The following ADGRA2 variants were observed in gnomAD, a reference collection of about 807,000 sequenced individuals.
ADGRA2 encodes the protein adhesion G protein-coupled receptor A2, also known as G-protein coupled receptor 124.
Under a neutral mutation model 98.7 loss-of-function variants are expected in ADGRA2, and 61 were observed. That is an observed-to-expected ratio of 0.62 (90% CI 0.50 to 0.76). The LOEUF is 0.76. ADGRA2 is among the 30% of genes least tolerant of loss of function. The pLI is 0.00. For missense variants in ADGRA2, 1,712 were observed against 1,860.0 expected (o/e 0.92, Z 1.46); for synonymous variants, 858 against 831.5 (o/e 1.03, Z -0.55).
intron 2 of ADGRA2, among the ~76,000 whole-genome samples, chr8:37,815,461 GC>G (rs1216813460): frequency 1.3e-5 from 2 of 152,228 alleles, no homozygotes; most frequent in African/African-American, 4.8e-5. Flanking sequence ...CTGGTTCAGA[GC>G]CGCCTGGGCA....
At chr8:37,808,392 G>C (rs1388429701) in intron 1 of ADGRA2, among the ~76,000 whole-genome samples, 1 of 152,222 alleles carries the variant, frequency 6.6e-6, no homozygotes, top group Non-Finnish European at 1.5e-5. Flanking sequence ...GGAGGCGTCT[G>C]TCTTGTGGGG....
At chr8:37,813,958 C>T (rs1804912474) in intron 1 of ADGRA2, among the ~76,000 whole-genome samples, 1 of 152,260 alleles carries the variant, frequency 6.6e-6, no homozygotes, top group Non-Finnish European at 1.5e-5. Context: ...GGCCCAGGGC[C>T]TGCACCTCTG....
Position 37,841,312 on chromosome 8 carries a change from C to A in ADGRA2, c.2974C>A (p.Leu992Ile). 1 of 1,608,094 alleles carries A rather than the reference C, an allele frequency of 6.2e-7. No homozygotes were observed. The change falls in exon 19 of 19, where the codon CTT (leucine) becomes ATT (isoleucine). Residue 992 changes from leucine (L) to isoleucine (I), a missense_variant. Coordinates refer to ENST00000412232, the MANE Select transcript of ADGRA2 (RefSeq NM_032777.10). The surrounding 1 kb of genome is among the most constrained non-coding windows in gnomAD (Gnocchi z 5.0). ...CCCCCTCCTGAGTGACTCAGGTTCC[C>A]TTCTTGCTACTGGGAGCGCGCGAGT... is the stretch of plus-strand genomic sequence containing the variant. Reference protein sequence around the residue: ...SGPLLSDSGSLLATGSARVGT... With the variant: ...SGPLLSDSGSILATGSARVGT...
At chr8:37,813,428 TA>T (rs1334670860) in intron 1 of ADGRA2, among the ~76,000 whole-genome samples, 1 of 152,140 alleles carries the variant, frequency 6.6e-6, no homozygotes, top group Non-Finnish European at 1.5e-5. Flanking sequence ...AATAAAATAA[TA>T]ACGTGAGTTC....
chr8:37,830,029 C>A lies in ADGRA2; in HGVS notation c.718+15C>A. The A allele has an allele frequency of 6.7e-7, 1 of 1,501,330 alleles. No homozygotes were observed. The highest frequency in any genetic ancestry group is 2.1e-5 in the Admixed American group (1 of 48,322). 93.0% of individuals were successfully genotyped at this position (1,501,330 alleles called of 1,614,324 possible). ...GCTCTGCTGCGGTGAGCAAGTCCCC[C>A]CAGCTACACATCTCCCAGGGACCCT... On this transcript the variant is annotated intron_variant, in intron 6 of 18. Transcript: ENST00000412232. This position sits in a 1 kb window ranked among gnomAD's most constrained non-coding sequence, Gnocchi z 4.8.
chr8:37,809,518 C>T (rs946354824), intron 1 of ADGRA2, among the ~76,000 whole-genome samples: 4 of 152,112 alleles, frequency 2.6e-5, no homozygotes, highest in Non-Finnish European at 4.4e-5. Flanking sequence ...TCTGAGGACT[C>T]GAATCACACA....
intron 1 of ADGRA2, among the ~76,000 whole-genome samples, chr8:37,798,945 A>C (rs1479587832): frequency 6.6e-6 from 1 of 152,224 alleles, no homozygotes; most frequent in Non-Finnish European, 1.5e-5. Context: ...TGTTCAGGGC[A>C]GCTCTCTCTG....
rs748099795 is a variant in ADGRA2, at chr8:37,840,211, G to A, written c.2602G>A (p.Ala868Thr). ...RVLHKELTWRAPPPQEGDPAL... is the reference protein window; with the variant it reads ...RVLHKELTWRTPPPQEGDPAL... ...GCTCCATAAGGAGCTCACCTGGAGG[G>A]CACCCCCTCCGCAAGAAGGGGACCC... The change falls in exon 17 of 19, where the codon GCA (alanine) becomes ACA (threonine). Residue 868 changes from alanine (A) to threonine (T), a missense_variant. By Grantham distance (58) the Ala-to-Thr change is moderately conservative. Transcript: ENST00000412232. 3 of 1,612,610 alleles carry A rather than the reference G, an allele frequency of 1.9e-6. No individual in the cohort carries two copies. The highest frequency in any genetic ancestry group is 2.5e-6 in the Non-Finnish European group (3 of 1,179,916).
chr8:37,835,092 G>C (rs1266168009), intron 11 of ADGRA2, 82 bp from the exon 12 acceptor site: 1 of 964,658 alleles, frequency 1.0e-6, no homozygotes, highest in Non-Finnish European at 1.6e-6. Context: ...TACAGCCTGA[G>C]CAGGCCCATT....
chr8:37,835,504 A>T, intron 12 of ADGRA2, 50 bp from the exon 13 acceptor site: 1 of 1,496,732 alleles, frequency 6.7e-7, no homozygotes, highest in Non-Finnish European at 9.3e-7. Flanking sequence ...GCAAGACATC[A>T]GTGCTCTAGG....
chr8:37,841,229 G>A lies in ADGRA2; in HGVS notation c.2891G>A (p.Arg964Lys), dbSNP rs1180920479. ...CAGAACCCCAAGGCGGGCAACAGCA[G>A]GGCCTCCCTGGAGGCAGGGGAGGAG... ...LAQNPKAGNS[R>K]ASLEAGEELR... The change falls in exon 19 of 19, where the codon AGG becomes AAG. Residue 964 changes from arginine to lysine, a missense_variant. Coordinates refer to ENST00000412232, the MANE Select transcript of ADGRA2 (RefSeq NM_032777.10). This position sits in a 1 kb window ranked among gnomAD's most constrained non-coding sequence, Gnocchi z 5.0. 1.1e-5 allele frequency: 18 copies of A among 1,613,576 alleles called. No homozygotes were observed. The highest frequency in any genetic ancestry group is 2.2e-5 in the East Asian group (1 of 44,882).
At chr8:37,827,724 T>C (rs1446295360) in intron 2 of ADGRA2, among the ~76,000 whole-genome samples, 1 of 152,210 alleles carries the variant, frequency 6.6e-6, no homozygotes, top group Non-Finnish European at 1.5e-5. Flanking sequence ...TGGACAGGAC[T>C]TACACCCCTG....
chr8:37,840,873 C>CCA, intron 18 of ADGRA2, 24 bp downstream of exon 18: 2 of 1,341,488 alleles, frequency 1.5e-6, no homozygotes, highest in Non-Finnish European at 2.1e-6. Context: ...CCTCCCGCCC[C>CCA]AAGCCTACCT....
intron 1 of ADGRA2, among the ~76,000 whole-genome samples, chr8:37,801,267 C>A (rs1171622413): frequency 1.3e-5 from 2 of 152,236 alleles, no homozygotes; most frequent in African/African-American, 4.8e-5. Flanking sequence ...GAGCTCTTGG[C>A]TTCCTTCCTG....
chr8:37,844,500 T>G lies in ADGRA2; in HGVS notation c.*2145T>G. The G allele has an allele frequency of 6.2e-7, 1 of 1,608,934 alleles. No homozygotes were observed. The highest frequency in any genetic ancestry group is 8.5e-7 in the Non-Finnish European group (1 of 1,178,144). On this transcript the variant is annotated 3_prime_UTR_variant, in exon 19 of 19. Coordinates refer to ENST00000412232, the MANE Select transcript of ADGRA2 (RefSeq NM_032777.10). ...CCCAGTGGATATCCATCAGGGAGGG[T>G]TAGGGACACTCGTGGCAGCCTGTCT...
In ADGRA2 at chr8:37,833,218, G is replaced by A. The variant is rs758465236; in HGVS notation, c.1296+10G>A. The A allele has an allele frequency of 6.3e-7, 1 of 1,596,562 alleles. No individual in the cohort carries two copies. The highest frequency in any genetic ancestry group is 2.3e-5 in the East Asian group (1 of 44,382). ...GTACACCTTCGTGCTGGTGAGGAGA[G>A]GCTAGGGCACCCCACCAGCTCTGCT... On this transcript the variant is annotated intron_variant, in intron 9 of 18. Transcript: ENST00000412232.
chr8:37,841,050 C>A lies in ADGRA2; in HGVS notation c.2748-36C>A. The A allele has an allele frequency of 6.4e-7, 1 of 1,565,984 alleles. No individual in the cohort carries two copies. Among genetic ancestry groups the A allele is most frequent in the Non-Finnish European group, 8.6e-7 (1 of 1,156,876 alleles). On this transcript the variant is annotated intron_variant, in intron 18 of 18. Coordinates refer to ENST00000412232, the MANE Select transcript of ADGRA2 (RefSeq NM_032777.10). The surrounding 1 kb of genome is among the most constrained non-coding windows in gnomAD (Gnocchi z 5.0). ...GCCCCCAGCCCCACCCCAGCCATGC[C>A]CCCTGTCCTCATCACTGCTTCTGTG...
rs1223391250 is a variant in ADGRA2 at position 37,836,082 on chromosome 8, CACACACACACACACA to C, written c.2050+313_2050+327del. Among the ~76,000 whole-genome samples the C allele has an allele frequency of 1.7e-3, 252 of 150,454 alleles. 3 individuals are homozygous for C. Among genetic ancestry groups the C allele is most frequent in the Non-Finnish European group, 2.5e-3 (168 of 67,478 alleles). ...ACACACACACACACACACACACACA[CACACACACACACACA>C]CCCCACAGGCCCAATGCAGACAAGT... On this transcript the variant is annotated intron_variant, in intron 13 of 18. Transcript: ENST00000412232.
chr8:37,821,953 TC>T (rs1012740182), intron 2 of ADGRA2, among the ~76,000 whole-genome samples: 2 of 151,912 alleles, frequency 1.3e-5, no homozygotes, highest in Non-Finnish European at 2.9e-5. Context: ...CCTCCTCCCC[TC>T]CCCGTCCCCA....
Sources: allele counts gnomAD v4.1 joint callset (sites outside exome capture counted in the v4.1 genomes callset), GRCh38; gene constraint gnomAD v4.1.1; non-coding constraint Gnocchi (gnomAD v3.1); transcripts MANE v1.5; gene names NCBI Gene and HGNC (gene_info 2026-07-23, HGNC 2026-07-21).